MLLT3: variants seen among roughly 807,000 people sequenced by gnomAD.
The protein encoded by MLLT3 is MLLT3 super elongation complex subunit, also known as protein AF-9.
MLLT3 carries 4 observed loss-of-function variants against 53.2 expected under a neutral mutation model. The observed-to-expected ratio is 0.08, with a 90% confidence interval of 0.04 to 0.17. The LOEUF is 0.17. Ranked by LOEUF, MLLT3 falls within the 10% of genes least tolerant of loss-of-function variation. The pLI is 1.00. For synonymous variants in MLLT3, 283 were observed against 230.6 expected, an observed-to-expected ratio of 1.23 and a Z score of -2.06; for missense variants, 569 against 684.0, an observed-to-expected ratio of 0.83 and a Z score of 1.87.
At chr9:20,537,333 T>C (rs1214687150) in intron 2 of MLLT3, among the ~76,000 whole-genome samples, 2 of 152,230 alleles carry the variant, frequency 1.3e-5, no homozygotes, top group Admixed American at 1.3e-4. Context: ...GAGTTATTTT[T>C]TAATCTGTTA....
At chr9:20,406,293 CTAATTCAT>C (rs1156355147) in intron 5 of MLLT3, among the ~76,000 whole-genome samples, 4 of 152,066 alleles carry the variant, frequency 2.6e-5, no homozygotes, top group Non-Finnish European at 5.9e-5. Context: ...CTCATCTCTA[CTAATTCAT>C]GCCTCTTTCC....
chr9:20,443,240 AAAAAAAG>A (rs1239367275), intron 4 of MLLT3, among the ~76,000 whole-genome samples: 1 of 152,080 alleles, frequency 6.6e-6, no homozygotes, highest in Non-Finnish European at 1.5e-5. Context: ...TTTCCAGGCC[AAAAAAAG>A]AAAAAAGAAA....
intron 2 of MLLT3, among the ~76,000 whole-genome samples, chr9:20,483,886 T>C (rs947129443): frequency 7.0e-6 from 1 of 143,176 alleles, no homozygotes; most frequent in Non-Finnish European, 1.5e-5. Context: ...TTTTTTTTTG[T>C]ATTTTTAGTA....
rs149194393 is a variant in MLLT3, at chr9:20,438,710, T to C, written c.420+9413A>G. ...CCAGTCTCCCAAAATGCTGGGATTA[T>C]AAGCATGACATTTATTTTTAATTTG... On this transcript the variant is annotated intron_variant, in intron 4 of 10. Transcript: ENST00000380338. 1.1e-4 allele frequency among the ~76,000 whole-genome samples: 17 copies of C among 152,216 alleles called. No individual in the cohort carries two copies. In the Middle Eastern group the frequency reaches 0.014, roughly 122 times the overall value.
At position 20,346,002 on chromosome 9, in the gene MLLT3, C is replaced by T. The variant is rs1269182001; in HGVS notation, c.*441G>A. The T allele has an allele frequency of 1.3e-5, 3 of 234,636 alleles. No individual in the cohort carries two copies. Among genetic ancestry groups the T allele is most frequent in the Non-Finnish European group, 2.5e-5 (3 of 118,640 alleles). 14.5% of individuals were successfully genotyped at this position (234,636 alleles called of 1,614,324 possible). ...CTTATAATGTCTGATGGTGTCATTCCCTCAACGACTTAGAATATCTGTATG... is the reference window on the plus strand; with the variant it reads ...CTTATAATGTCTGATGGTGTCATTCTCTCAACGACTTAGAATATCTGTATG... On this transcript the variant is annotated 3_prime_UTR_variant, in exon 11 of 11. Transcript: ENST00000380338.
In MLLT3 at chr9:20,363,519, CAG is replaced by C; in HGVS notation, c.1286_1287del (p.Ser429Ter). ...CCTCTATTTACAGGCCTCTCCATTTCAGAGTCATTGTCGTTATCCTCCACTTC... is the reference window on the plus strand; with the variant it reads ...CCTCTATTTACAGGCCTCTCCATTTCAGTCATTGTCGTTATCCTCCACTTC... ...SDEVEDNDND[S>X]EMERPVNRGG... On this transcript the variant is annotated frameshift_variant, in exon 7 of 11. Coordinates refer to ENST00000380338, the MANE Select transcript of MLLT3 (RefSeq NM_004529.4). LOFTEE classifies it high-confidence loss of function. 1 of 1,614,146 alleles carries C rather than the reference CAG, an allele frequency of 6.2e-7. No individual in the cohort carries two copies. Among genetic ancestry groups the C allele is most frequent in the Non-Finnish European group, 8.5e-7 (1 of 1,179,994 alleles).
At chr9:20,358,778 ACT>A (rs1443234870) in intron 8 of MLLT3, among the ~76,000 whole-genome samples, 3 of 152,176 alleles carry the variant, frequency 2.0e-5, no homozygotes, top group Admixed American at 6.5e-5. Context: ...TGGCCCTGCC[ACT>A]GCTGTGCCCA....
At chr9:20,516,314 A>T (rs147306281) in intron 2 of MLLT3, among the ~76,000 whole-genome samples, 68 of 152,342 alleles carry the variant, frequency 4.5e-4, no homozygotes, top group African/African-American at 1.6e-3. Context: ...TCTGATAGGC[A>T]GCCTCACAAA....
intron 2 of MLLT3, among the ~76,000 whole-genome samples, chr9:20,487,889 T>A (rs544396997): frequency 5.9e-5 from 9 of 152,210 alleles, no homozygotes; most frequent in African/African-American, 2.2e-4. Flanking sequence ...TCAGTAAAAC[T>A]CATAACTCAA....
chr9:20,520,792 G>A (rs1015819192), intron 2 of MLLT3, among the ~76,000 whole-genome samples: 1 of 152,154 alleles, frequency 6.6e-6, no homozygotes, highest in African/African-American at 2.4e-5. Flanking sequence ...ACAGGGACAG[G>A]AAAATCCAAG....
intron 4 of MLLT3, among the ~76,000 whole-genome samples, chr9:20,418,892 G>C (rs1822941944): frequency 6.6e-6 from 1 of 152,186 alleles, no homozygotes; most frequent in African/African-American, 2.4e-5. Flanking sequence ...AAGGAGATCA[G>C]AAGGAAGGCA....
At chr9:20,383,642 G>T (rs1821958813) in intron 5 of MLLT3, among the ~76,000 whole-genome samples, 1 of 151,944 alleles carries the variant, frequency 6.6e-6, no homozygotes, top group African/African-American at 2.4e-5. Flanking sequence ...ATCATCAATA[G>T]GAATAAATAT....
At chr9:20,542,125 C>G (rs938707431) in intron 2 of MLLT3, among the ~76,000 whole-genome samples, 8 of 152,112 alleles carry the variant, frequency 5.3e-5, no homozygotes, top group Non-Finnish European at 1.2e-4. Context: ...ACTCCTTGAC[C>G]CATGAGCTGT....
intron 2 of MLLT3, among the ~76,000 whole-genome samples, chr9:20,508,621 A>T (rs564571784): frequency 1.8e-4 from 27 of 152,252 alleles, no homozygotes; most frequent in Non-Finnish European, 3.4e-4. Flanking sequence ...TTACAAAGTC[A>T]GACTTCATAC....
At chr9:20,477,921 T>A (rs1178762916) in intron 2 of MLLT3, among the ~76,000 whole-genome samples, 3 of 152,260 alleles carry the variant, frequency 2.0e-5, no homozygotes, top group Non-Finnish European at 4.4e-5. Context: ...TTTAACAATT[T>A]AGGATTTCAT....
At position 20,460,496 on chromosome 9, in the gene MLLT3, T is replaced by C. The variant is rs147658565; in HGVS notation, c.194-3710A>G. Reference sequence around the variant, plus strand: ...TTCATCTGTAAATATCCAGCCCAGATGTTAGCTCTTTCAGAACATCTCCCT... The same window carrying C: ...TTCATCTGTAAATATCCAGCCCAGACGTTAGCTCTTTCAGAACATCTCCCT... On this transcript the variant is annotated intron_variant, in intron 2 of 10. Coordinates refer to ENST00000380338, the MANE Select transcript of MLLT3 (RefSeq NM_004529.4). Among the ~76,000 whole-genome samples, 93 of 152,346 alleles carry C rather than the reference T, an allele frequency of 6.1e-4. 1 individual carries two copies. In the East Asian group the frequency reaches 0.014, roughly 23 times the overall value.
intron 2 of MLLT3, among the ~76,000 whole-genome samples, chr9:20,578,536 A>T (rs1221348427): frequency 6.6e-6 from 1 of 152,088 alleles, no homozygotes; most frequent in Non-Finnish European, 1.5e-5. Context: ...GAAAAAGAAG[A>T]GAAGATGGGA....
intron 10 of MLLT3, among the ~76,000 whole-genome samples, chr9:20,348,381 T>C (rs1176478978): frequency 2.6e-5 from 4 of 152,218 alleles, no homozygotes; most frequent in Non-Finnish European, 5.9e-5. Flanking sequence ...GAAAAGGGTA[T>C]GGACAATGGG....
chr9:20,579,053 A>C (rs549173683), intron 2 of MLLT3, among the ~76,000 whole-genome samples: 27 of 152,242 alleles, frequency 1.8e-4, no homozygotes, highest in African/African-American at 6.5e-4. Context: ...CAATTTTTGA[A>C]AGAAGGGTTA....
Sources: allele counts gnomAD v4.1 joint callset (sites outside exome capture counted in the v4.1 genomes callset), GRCh38; gene constraint gnomAD v4.1.1; transcripts MANE v1.5; gene names NCBI Gene and HGNC (gene_info 2026-07-23, HGNC 2026-07-21).